TRPM3: variants seen among roughly 807,000 people sequenced by gnomAD.
TRPM3 encodes the protein transient receptor potential cation channel subfamily M member 3, also known as long transient receptor potential channel 3.
A neutral mutation model predicts 181.2 loss-of-function variants in TRPM3; 77 were observed. The ratio of observed to expected loss-of-function variants is 0.42; its 90% CI spans 0.35 to 0.51. The LOEUF is 0.51. TRPM3 is among the 20% of genes least tolerant of loss of function. The pLI is 0.01. For missense variants in TRPM3, 1,759 were observed against 2,196.7 expected, an observed-to-expected ratio of 0.80 and a Z score of 3.98; for synonymous variants, 745 against 796.4, an observed-to-expected ratio of 0.94 and a Z score of 1.09.
At chr9:71,008,839 C>A (rs1367570321) in intron 1 of TRPM3, among the ~76,000 whole-genome samples, 2 of 152,174 alleles carry the variant, frequency 1.3e-5, no homozygotes, top group African/African-American at 4.8e-5. Context: ...AGTGAGACTC[C>A]ATCTCAAAAA....
At chr9:70,960,011 T>C (rs951225429) in intron 1 of TRPM3, among the ~76,000 whole-genome samples, 1 of 152,198 alleles carries the variant, frequency 6.6e-6, no homozygotes, top group Non-Finnish European at 1.5e-5. Context: ...TTCTGAACTC[T>C]TTGAATTTGT....
At chr9:71,231,865 G>T (rs1195504225) in intron 1 of TRPM3, among the ~76,000 whole-genome samples, 1 of 152,154 alleles carries the variant, frequency 6.6e-6, no homozygotes, top group Non-Finnish European at 1.5e-5. Context: ...TCATTCATAT[G>T]CCAAACCTCA....
intron 1 of TRPM3, among the ~76,000 whole-genome samples, chr9:71,259,898 T>C (rs2082926899): frequency 6.6e-6 from 1 of 152,110 alleles, no homozygotes; most frequent in African/African-American, 2.4e-5. Flanking sequence ...GACCCCATTT[T>C]ACAATTTTGG....
intron 1 of TRPM3, among the ~76,000 whole-genome samples, chr9:71,412,337 GC>G (rs2093566839): frequency 6.6e-6 from 1 of 152,094 alleles, no homozygotes; most frequent in Non-Finnish European, 1.5e-5. Context: ...AAAATTTTTT[GC>G]AACCTACCCA....
chr9:71,138,989 T>A (rs1172844873), intron 1 of TRPM3, among the ~76,000 whole-genome samples: 6 of 152,120 alleles, frequency 3.9e-5, no homozygotes, highest in African/African-American at 1.4e-4. Context: ...TTTAAAGGGG[T>A]CTCTTAATTT....
At chr9:71,350,431 A>G (rs539568026) in intron 1 of TRPM3, among the ~76,000 whole-genome samples, 14 of 152,296 alleles carry the variant, frequency 9.2e-5, no homozygotes, top group Admixed American at 8.5e-4. Flanking sequence ...CTGCAAAAAA[A>G]TCTCTAGTTG....
intron 22 of TRPM3, among the ~76,000 whole-genome samples, chr9:70,554,404 C>T (rs942425239): frequency 3.3e-5 from 5 of 152,112 alleles, no homozygotes; most frequent in African/African-American, 9.7e-5. Flanking sequence ...CTTTGATGAT[C>T]GGCCAGGAAG....
At chr9:71,168,817 A>G (rs935207847) in intron 1 of TRPM3, among the ~76,000 whole-genome samples, 1 of 151,824 alleles carries the variant, frequency 6.6e-6, no homozygotes, top group Non-Finnish European at 1.5e-5. Context: ...GAGTGAGGAT[A>G]CCTGGGTAAA....
intron 8 of TRPM3, among the ~76,000 whole-genome samples, chr9:70,752,936 C>G (rs1042097560): frequency 9.9e-5 from 15 of 151,984 alleles, no homozygotes; most frequent in Non-Finnish European, 4.4e-5. Flanking sequence ...ATGGTGAAAC[C>G]CCATCTCTAC....
exon 1 of TRPM3, chr9:71,446,655 G>T (rs895430510): frequency 1.3e-6 from 2 of 1,549,888 alleles, no homozygotes; most frequent in Admixed American, 2.0e-5. Context: ...CCACTCACCG[G>T]CGTCTGCTGC....
At position 71,172,785 on chromosome 9, in the gene TRPM3, C is replaced by T. The variant is rs114912553; in HGVS notation, c.183+273868G>A. Among the ~76,000 whole-genome samples the T allele has an allele frequency of 2.8e-3, 433 of 152,200 alleles. 1 individual carries two copies. The highest frequency in any genetic ancestry group is 1.0e-2 in the African/African-American group (415 of 41,544). On this transcript the variant is annotated intron_variant, in intron 1 of 24. Transcript: ENST00000357533. ...AACAGAATATCTAAACAGGTTCTTC[C>T]CATGGAACTGAAATGAAGTGAATCA...
intron 1 of TRPM3, among the ~76,000 whole-genome samples, chr9:71,254,249 G>A (rs1305668378): frequency 2.0e-5 from 3 of 152,102 alleles, no homozygotes; most frequent in Non-Finnish European, 4.4e-5. Flanking sequence ...GATAAACCAA[G>A]CGCAGAAAGG....
At chr9:71,194,173 T>C (rs989197474) in intron 1 of TRPM3, among the ~76,000 whole-genome samples, 2 of 151,922 alleles carry the variant, frequency 1.3e-5, no homozygotes, top group Non-Finnish European at 1.5e-5. Flanking sequence ...CTTACAATTA[T>C]AGATCACAGA....
chr9:70,549,106 A>G (rs763227683), intron 25 of TRPM3, among the ~76,000 whole-genome samples: 5 of 152,224 alleles, frequency 3.3e-5, no homozygotes, highest in Non-Finnish European at 7.3e-5. Flanking sequence ...TTTATTCAGA[A>G]GGTGTTGGGC....
At chr9:71,046,373 C>T (rs547086987) in intron 1 of TRPM3, among the ~76,000 whole-genome samples, 4 of 152,122 alleles carry the variant, frequency 2.6e-5, no homozygotes, top group Non-Finnish European at 4.4e-5. Context: ...TGGGAAACAT[C>T]GCATGAATAA....
intron 1 of TRPM3, among the ~76,000 whole-genome samples, chr9:71,006,551 G>A (rs1050397954): frequency 6.6e-6 from 1 of 152,132 alleles, no homozygotes; most frequent in Non-Finnish European, 1.5e-5. Flanking sequence ...CCCCACAGGA[G>A]AAGTAGCTAC....
At chr9:70,765,152 T>C (rs1204015212) in intron 7 of TRPM3, among the ~76,000 whole-genome samples, 1 of 152,202 alleles carries the variant, frequency 6.6e-6, no homozygotes, top group African/African-American at 2.4e-5. Flanking sequence ...CTGTTTGAGT[T>C]GAGCCTATTG....
At chr9:71,390,426 A>T (rs1294456034) in intron 1 of TRPM3, among the ~76,000 whole-genome samples, 1 of 152,172 alleles carries the variant, frequency 6.6e-6, no homozygotes, top group Admixed American at 6.6e-5. Context: ...TCCAAATTTC[A>T]GCATTAGTTA....
intron 5 of TRPM3, among the ~76,000 whole-genome samples, chr9:70,830,940 A>G (rs2093852640): frequency 6.6e-6 from 1 of 152,232 alleles, no homozygotes; most frequent in Admixed American, 6.5e-5. Flanking sequence ...TCAAAATAAA[A>G]TGATATGAGA....
Sources: gnomAD v4.1 joint callset for allele counts (sites outside exome capture counted in the v4.1 genomes callset) on GRCh38, gnomAD v4.1.1 for gene constraint, MANE v1.5 for transcripts, NCBI Gene and HGNC (gene_info 2026-07-23, HGNC 2026-07-21) for gene names.